Variants in ADAM18 observed in about 807,000 individuals in gnomAD.
ADAM18 encodes ADAM metallopeptidase domain 18, also known as disintegrin and metalloproteinase domain-containing protein 18.
In ADAM18, 117 loss-of-function variants were observed where a neutral mutation model predicts 94.4. That is an observed-to-expected ratio of 1.24 (90% confidence interval 1.07 to 1.45). ADAM18 has a LOEUF of 1.45. Ranked by LOEUF, ADAM18 falls within the 40% of genes most tolerant of loss-of-function variation. The pLI is 0.00. For synonymous variants in ADAM18, 327 were observed against 291.6 expected (o/e 1.12, Z -1.24); for missense variants, 936 against 880.0 (o/e 1.06, Z -0.81).
intron 16 of ADAM18, among the ~76,000 whole-genome samples, chr8:39,682,483 A>C (rs912975354): frequency 6.6e-6 from 1 of 152,210 alleles, no homozygotes; most frequent in Non-Finnish European, 1.5e-5. Flanking sequence ...AAAGGAAGGA[A>C]TACTTAGAGA....
In ADAM18 at chr8:39,729,787, T is replaced by G. The variant is rs564042844; in HGVS notation, c.2178-111T>G. The G allele has an allele frequency of 2.6e-5, 21 of 792,714 alleles. No individual in the cohort carries two copies. The African/African-American group carries it at 3.7e-4, about 14-fold the overall frequency. 49.1% of individuals were successfully genotyped at this position (792,714 alleles called of 1,614,324 possible). On this transcript the variant is annotated intron_variant, in intron 19 of 19. Transcript: ENST00000265707. ...AAACTTATCTATAATAATCTTTGATTTTTAGCAATTATAAAGTAGAAATTC... is the reference window on the plus strand; with the variant it reads ...AAACTTATCTATAATAATCTTTGATGTTTAGCAATTATAAAGTAGAAATTC...
Position 39,628,778 on chromosome 8 carries a change from G to C in ADAM18, c.523-596G>C, listed in dbSNP as rs1006173422. 1.3e-4 allele frequency among the ~76,000 whole-genome samples: 20 copies of C among 151,982 alleles called. 1 individual carries two copies. The highest frequency in any genetic ancestry group is 4.3e-4 in the African/African-American group (18 of 41,418). Reference sequence around the variant, plus strand: ...GGATGTAATAATTGATGATTTATAGGTGATAATCATATGAGTACACAGGGA... The same window carrying C: ...GGATGTAATAATTGATGATTTATAGCTGATAATCATATGAGTACACAGGGA... On this transcript the variant is annotated intron_variant, in intron 6 of 19. Transcript: ENST00000265707.
intron 16 of ADAM18, among the ~76,000 whole-genome samples, chr8:39,689,795 C>T (rs557003925): frequency 6.6e-6 from 1 of 152,200 alleles, no homozygotes; most frequent in Non-Finnish European, 1.5e-5. Context: ...GGCAATGTGG[C>T]CATTTCAGCT....
rs1256025068 is a variant in ADAM18 at position 39,610,544 on chromosome 8, T to A, written c.360T>A (p.Phe120Leu). The A allele has an allele frequency of 6.2e-7, 1 of 1,605,484 alleles. No homozygotes were observed. The highest frequency in any genetic ancestry group is 8.5e-7 in the Non-Finnish European group (1 of 1,175,778). Reference sequence around the variant, plus strand: ...AAATTTTCAGGGGATTTCTCCAGTTTGAAAATATCAGTTATGGAATTGAAC... The same window carrying A: ...AAATTTTCAGGGGATTTCTCCAGTTAGAAAATATCAGTTATGGAATTGAAC... The part of the protein sequence containing the change: ...ICSGLRGFLQ[F>L]ENISYGIEPV... The change falls in exon 6 of 20, where the codon TTT becomes TTA. Residue 120 changes from phenylalanine (F) to leucine (L), a missense_variant. Phe to Leu is a conservative substitution (Grantham distance 22). Transcript: ENST00000265707.
At chr8:39,718,530 G>T (rs941040211) in intron 18 of ADAM18, among the ~76,000 whole-genome samples, 9 of 151,470 alleles carry the variant, frequency 5.9e-5, no homozygotes, top group African/African-American at 2.2e-4. Flanking sequence ...TTAAAGAATA[G>T]AATGGTGGTT....
intron 12 of ADAM18, among the ~76,000 whole-genome samples, chr8:39,662,110 T>C (rs188335073): frequency 1.9e-4 from 29 of 152,094 alleles, no homozygotes; most frequent in Admixed American, 1.8e-3. Context: ...TCACTGGTAA[T>C]CAGAGAAGTA....
intron 10 of ADAM18, among the ~76,000 whole-genome samples, chr8:39,644,112 T>C (rs890902643): frequency 6.6e-6 from 1 of 152,140 alleles, no homozygotes; most frequent in South Asian, 2.1e-4. Flanking sequence ...ACAGATTTTC[T>C]AGTTATACAT....
chr8:39,714,963 A>G (rs934461071), intron 18 of ADAM18, among the ~76,000 whole-genome samples: 1 of 152,106 alleles, frequency 6.6e-6, no homozygotes, highest in South Asian at 2.1e-4. Flanking sequence ...CCTTAATACC[A>G]TGATCAGTCA....
intron 18 of ADAM18, among the ~76,000 whole-genome samples, chr8:39,711,038 A>G (rs1183193723): frequency 6.6e-6 from 1 of 152,132 alleles, no homozygotes; most frequent in East Asian, 1.9e-4. Flanking sequence ...AAGAGTTAAG[A>G]GTTATTTTGT....
chr8:39,606,423 C>A (rs539166707), intron 3 of ADAM18, 61 bp downstream of exon 3: 5 of 1,133,830 alleles, frequency 4.4e-6, no homozygotes, highest in East Asian at 2.5e-5. Flanking sequence ...GATTTTACAG[C>A]CTTAAAGTTT....
At chr8:39,721,992 T>C (rs1822763227) in intron 18 of ADAM18, among the ~76,000 whole-genome samples, 1 of 150,876 alleles carries the variant, frequency 6.6e-6, no homozygotes, top group African/African-American at 2.4e-5. Context: ...AACCTAAGTG[T>C]CCATCAGTGG....
At chr8:39,638,881 A>G (rs1280925246) in intron 10 of ADAM18, among the ~76,000 whole-genome samples, 1 of 151,912 alleles carries the variant, frequency 6.6e-6, no homozygotes. Context: ...TTCAATAAAT[A>G]GCAAAAATCA....
chr8:39,688,377 C>T (rs1043489220), intron 16 of ADAM18, among the ~76,000 whole-genome samples: 1 of 152,138 alleles, frequency 6.6e-6, no homozygotes, highest in Non-Finnish European at 1.5e-5. Flanking sequence ...GAACTTCTCC[C>T]TCCTCCCAGC....
intron 17 of ADAM18, among the ~76,000 whole-genome samples, chr8:39,693,202 T>C (rs1821828712): frequency 6.6e-6 from 1 of 151,590 alleles, no homozygotes; most frequent in Admixed American, 6.6e-5. Flanking sequence ...AATTTGAGTT[T>C]TAAAAAATTA....
intron 18 of ADAM18, among the ~76,000 whole-genome samples, chr8:39,721,229 G>GA (rs995260806): frequency 8.6e-5 from 13 of 151,280 alleles, no homozygotes; most frequent in African/African-American, 2.2e-4. Context: ...ACATGCAGAA[G>GA]AAAAAATCTA....
intron 10 of ADAM18, among the ~76,000 whole-genome samples, chr8:39,639,297 T>C (rs1820172294): frequency 6.6e-6 from 1 of 151,996 alleles, no homozygotes; most frequent in Non-Finnish European, 1.5e-5. Flanking sequence ...AGGAAACCAC[T>C]ATCCAATTGC....
At chr8:39,728,278 A>T (rs947870059) in intron 19 of ADAM18, among the ~76,000 whole-genome samples, 71 of 152,206 alleles carry the variant, frequency 4.7e-4, no homozygotes, top group African/African-American at 5.3e-4. Context: ...ATTTTTTTTT[A>T]AAAAAGCAGC....
At chr8:39,715,630 G>T (rs1487676077) in intron 18 of ADAM18, among the ~76,000 whole-genome samples, 1 of 151,874 alleles carries the variant, frequency 6.6e-6, no homozygotes, top group Admixed American at 6.6e-5. Flanking sequence ...CTGATCAAAT[G>T]AACATGTAAG....
At chr8:39,659,499 A>ATC (rs1820774508) in intron 12 of ADAM18, among the ~76,000 whole-genome samples, 1 of 152,150 alleles carries the variant, frequency 6.6e-6, no homozygotes, top group Non-Finnish European at 1.5e-5. Flanking sequence ...AACTAAGAAG[A>ATC]TGGGCAAGAT....
Sources: gnomAD v4.1 joint callset for allele counts (sites outside exome capture counted in the v4.1 genomes callset) on GRCh38, gnomAD v4.1.1 for gene constraint, MANE v1.5 for transcripts, NCBI Gene and HGNC (gene_info 2026-07-23, HGNC 2026-07-21) for gene names.